Variants in FIRRM observed in about 807,000 individuals in gnomAD.
FIRRM encodes the protein FIGNL1 interacting regulator of recombination and mitosis.
chr1:169,791,182 G>A, the FIRRM span, among the ~76,000 whole-genome samples: 1 of 152,204 alleles, frequency 6.6e-6, no homozygotes, highest in African/African-American at 2.4e-5. Flanking sequence ...CACGGCGCAG[G>A]CATCAGGGAC....
chr1:169,838,559 G>T, the FIRRM span, among the ~76,000 whole-genome samples: 28,146 of 151,870 alleles, frequency 0.19, 2,767 homozygotes, highest in South Asian at 0.27. Context: ...GCATGATTTT[G>T]GCTCACCGCA....
chr1:169,853,836 A>G, the FIRRM span: 2 of 1,576,370 alleles, frequency 1.3e-6, no homozygotes, highest in Admixed American at 3.5e-5. Flanking sequence ...ATCATACGCA[A>G]ATTTGAAAAA....
chr1:169,847,303 C>T, the FIRRM span, among the ~76,000 whole-genome samples: 2 of 118,020 alleles, frequency 1.7e-5, no homozygotes, highest in South Asian at 6.2e-4. Flanking sequence ...TGCCACACAC[C>T]TTATATTTCT....
chr1:169,838,135 C>A, the FIRRM span, among the ~76,000 whole-genome samples: 1 of 152,088 alleles, frequency 6.6e-6, no homozygotes, highest in Non-Finnish European at 1.5e-5. Context: ...GACGGACTTT[C>A]ACCATGTTGG....
At chr1:169,829,288 T>C in the FIRRM span, 20 of 1,590,200 alleles carry the variant, frequency 1.3e-5, no homozygotes, top group East Asian at 4.3e-4. Context: ...AGCCGTTTTC[T>C]ACAGTTTTGA....
chr1:169,821,250 C>T, the FIRRM span, among the ~76,000 whole-genome samples: 1 of 152,002 alleles, frequency 6.6e-6, no homozygotes, highest in African/African-American at 2.4e-5. Context: ...TTTGTTTTGT[C>T]TTTTTTGTGT....
the FIRRM span, among the ~76,000 whole-genome samples, chr1:169,833,504 T>TA: frequency 6.6e-6 from 1 of 152,114 alleles, no homozygotes; most frequent in African/African-American, 2.4e-5. Flanking sequence ...AAGCAGAAGA[T>TA]ATGTATAACT....
At chr1:169,851,543 C>G in the FIRRM span, 1 of 414,344 alleles carries the variant, frequency 2.4e-6, no homozygotes, top group Non-Finnish European at 4.3e-6. Context: ...TGTGTATACA[C>G]TGCTGTTGCC....
At chr1:169,852,809 G>T in the FIRRM span, 4 of 1,613,942 alleles carry the variant, frequency 2.5e-6, no homozygotes, top group Admixed American at 6.7e-5. Context: ...AAAAGAGCTC[G>T]TCAGGAGTTC....
chr1:169,823,644 A>G, the FIRRM span, among the ~76,000 whole-genome samples: 1 of 152,224 alleles, frequency 6.6e-6, no homozygotes, highest in Non-Finnish European at 1.5e-5. Context: ...GATACATTCC[A>G]CATGAGTTAT....
the FIRRM span, chr1:169,847,672 T>G: frequency 3.9e-6 from 6 of 1,530,130 alleles, no homozygotes; most frequent in Non-Finnish European, 5.4e-6. Context: ...AACTGTTCTT[T>G]GGTCTTCACC....
chr1:169,819,350 G>T, the FIRRM span, among the ~76,000 whole-genome samples: 9 of 152,302 alleles, frequency 5.9e-5, no homozygotes, highest in East Asian at 1.7e-3. Context: ...ATCCAAATGT[G>T]CAAAGATCTT....
At chr1:169,842,736 C>T in the FIRRM span, among the ~76,000 whole-genome samples, 10,122 of 152,210 alleles carry the variant, frequency 0.067, 432 homozygotes, top group Non-Finnish European at 0.099. Context: ...TTAGTAAAAT[C>T]AGAATACGTA....
chr1:169,840,789 C>T, the FIRRM span, among the ~76,000 whole-genome samples: 1 of 152,154 alleles, frequency 6.6e-6, no homozygotes, highest in African/African-American at 2.4e-5. Context: ...GGATTACAGG[C>T]ATGAGCCACT....
the FIRRM span, among the ~76,000 whole-genome samples, chr1:169,844,613 A>G: frequency 6.6e-6 from 1 of 152,230 alleles, no homozygotes; most frequent in Non-Finnish European, 1.5e-5. Context: ...GAAGTTAGCA[A>G]TAACAAGTAT....
the FIRRM span, among the ~76,000 whole-genome samples, chr1:169,819,030 C>T: frequency 6.6e-6 from 1 of 152,112 alleles, no homozygotes; most frequent in Admixed American, 6.6e-5. Flanking sequence ...GGGTAGAGCC[C>T]TTGGAGGAAC....
chr1:169,823,657 T>C, the FIRRM span, among the ~76,000 whole-genome samples: 1 of 152,196 alleles, frequency 6.6e-6, no homozygotes, highest in Non-Finnish European at 1.5e-5. Context: ...TGAGTTATGC[T>C]TATCTTTGTA....
the FIRRM span, among the ~76,000 whole-genome samples, chr1:169,798,423 A>G: frequency 6.6e-6 from 1 of 151,856 alleles, no homozygotes; most frequent in Non-Finnish European, 1.5e-5. Flanking sequence ...GTGCGCCACC[A>G]TGCCCAGCTA....
chr1:169,827,732 T>C, the FIRRM span: 1 of 1,614,114 alleles, frequency 6.2e-7, no homozygotes. Context: ...GAACTGCAGT[T>C]TCCACAATGT....
Sources: gnomAD v4.1 joint callset for allele counts (sites outside exome capture counted in the v4.1 genomes callset) on GRCh38, gnomAD v4.1.1 for gene constraint, MANE v1.5 for transcripts, NCBI Gene and HGNC (gene_info 2026-07-23, HGNC 2026-07-21) for gene names.